NSD1: variants seen among roughly 807,000 people sequenced by gnomAD.
NSD1 encodes the protein nuclear receptor binding SET domain protein 1.
Under a neutral mutation model 242.7 loss-of-function variants are expected in NSD1, and 26 were observed. That is an observed-to-expected ratio of 0.11 (90% CI 0.08 to 0.15). NSD1 has a LOEUF of 0.15. Among genes scored for constraint, NSD1 ranks in the 10% least tolerant of loss-of-function variants. The probability of loss-of-function intolerance (pLI) is 1.00; values close to 1 mark genes in which losing one functional copy is unlikely to be tolerated. For missense variants in NSD1, 2,495 were observed against 3,272.8 expected, an observed-to-expected ratio of 0.76 and a Z score of 5.80; for synonymous variants, 1,106 against 1,178.1, an observed-to-expected ratio of 0.94 and a Z score of 1.25.
At position 177,135,769 on chromosome 5, in the gene NSD1, C is replaced by T. The variant is rs369717742; in HGVS notation, c.666C>T (p.Val222=). 4 of 1,612,970 alleles carry T rather than the reference C, an allele frequency of 2.5e-6. No individual in the cohort carries two copies. Among genetic ancestry groups the T allele is most frequent in the Non-Finnish European group, 3.4e-6 (4 of 1,179,146 alleles). The part of the protein sequence containing the change: ...DSTPESRHGA[V]KSPFLPLAPQ... ...CACCAGAGAGTAGACACGGTGCAGTCAAATCGCCATTCTTGCCATTAGCTC... is the reference window on the plus strand; with the variant it reads ...CACCAGAGAGTAGACACGGTGCAGTTAAATCGCCATTCTTGCCATTAGCTC... Residue 222 remains valine (V), a synonymous_variant, in exon 2 of 23, where the codon GTC becomes GTT. Coordinates refer to ENST00000439151, the MANE Select transcript of NSD1 (RefSeq NM_022455.5).
chr5:177,211,494 A>G lies in NSD1; in HGVS notation c.3095A>G (p.Asp1032Gly), dbSNP rs2149847210. The change falls in exon 5 of 23, where the codon GAT becomes GGT. Residue 1032 changes from aspartate to glycine, a missense_variant. This residue lies in a region of NSD1 where 426 missense variants were observed against 411.4 expected (regional missense o/e 1.04). Coordinates refer to ENST00000439151, the MANE Select transcript of NSD1 (RefSeq NM_022455.5). The part of the protein sequence containing the change: ...GRSKPSSKLR[D>G]AFSAQMVKNT... ...TCAAAGCCTTCATCCAAATTGCGAG[A>G]TGCTTTTTCAGCCCAAATGGTAAAG... is the stretch of plus-strand genomic sequence containing the variant. 2.5e-6 allele frequency: 4 copies of G among 1,614,126 alleles called. No individual in the cohort carries two copies. Among genetic ancestry groups the G allele is most frequent in the Non-Finnish European group, 3.4e-6 (4 of 1,180,014 alleles).
chr5:177,280,938 T>C, intron 18 of NSD1, 104 bp downstream of exon 18: 4 of 1,261,400 alleles, frequency 3.2e-6, no homozygotes, highest in Non-Finnish European at 4.5e-6. Flanking sequence ...ATAACACAGT[T>C]AATAATTAAC....
intron 2 of NSD1, among the ~76,000 whole-genome samples, chr5:177,149,504 A>T (rs1757530284): frequency 1.3e-5 from 2 of 151,924 alleles, no homozygotes; most frequent in South Asian, 4.1e-4. Flanking sequence ...ACAGTTTTGT[A>T]TGGTGGATTC....
At chr5:177,195,348 C>T (rs934043466) in intron 3 of NSD1, among the ~76,000 whole-genome samples, 2 of 152,074 alleles carry the variant, frequency 1.3e-5, no homozygotes, top group African/African-American at 4.8e-5. Context: ...ATACCTTATC[C>T]TTTGTGACCT....
At chr5:177,178,440 G>A (rs1191069752) in intron 2 of NSD1, among the ~76,000 whole-genome samples, 1 of 152,112 alleles carries the variant, frequency 6.6e-6, no homozygotes, top group Non-Finnish European at 1.5e-5. Flanking sequence ...TGGTCGGGCT[G>A]GTCTTGAACT....
At chr5:177,189,466 T>C (rs913526155) in intron 2 of NSD1, among the ~76,000 whole-genome samples, 3 of 152,208 alleles carry the variant, frequency 2.0e-5, no homozygotes, top group African/African-American at 7.2e-5. Flanking sequence ...ACCAACAACA[T>C]GTGCTAGATT....
At chr5:177,145,086 A>G (rs986572821) in intron 2 of NSD1, among the ~76,000 whole-genome samples, 1 of 109,568 alleles carries the variant, frequency 9.1e-6, no homozygotes, top group African/African-American at 4.7e-5. Context: ...CTTTGTCTCA[A>G]AAAAAAAAAA....
intron 2 of NSD1, chr5:177,136,329 TAAA>T (rs1176817397): frequency 4.5e-4 from 79 of 176,064 alleles, no homozygotes; most frequent in East Asian, 1.4e-3. Context: ...CATATATGAT[TAAA>T]AAAAAAAAAA....
At chr5:177,174,447 A>G (rs1223164563) in intron 2 of NSD1, among the ~76,000 whole-genome samples, 1 of 152,072 alleles carries the variant, frequency 6.6e-6, no homozygotes, top group Non-Finnish European at 1.5e-5. Context: ...TCCCAACCTC[A>G]GATGATCGCC....
In NSD1 at chr5:177,163,289, C is replaced by T. The variant is rs139914235; in HGVS notation, c.927+27259C>T. Among the ~76,000 whole-genome samples the T allele has an allele frequency of 3.7e-3, 562 of 152,070 alleles. 3 individuals carry two copies. The highest frequency in any genetic ancestry group is 0.013 in the African/African-American group (532 of 41,490). ...TCCCGAGTAGCTGGGACTACAGGCA[C>T]GCATCACCATGCCCGGCTAATTTTT... is the stretch of plus-strand genomic sequence containing the variant. On this transcript the variant is annotated intron_variant, in intron 2 of 22. Transcript: ENST00000439151.
At chr5:177,265,488 G>GGAGA (rs761182914) in intron 14 of NSD1, 2 of 643,080 alleles carry the variant, frequency 3.1e-6, no homozygotes, top group Non-Finnish European at 2.7e-6. Context: ...GGGGAGGGAG[G>GGAGA]GAGAGAGAGA....
At position 177,210,767 on chromosome 5, in the gene NSD1, A is replaced by G. The variant is rs1763275939; in HGVS notation, c.2368A>G (p.Ile790Val). Residue 790 changes from isoleucine to valine, a missense_variant, in exon 5 of 23, where the codon ATA becomes GTA. By Grantham distance (29) the Ile-to-Val change is conservative (BLOSUM62 3). Coordinates refer to ENST00000439151, the MANE Select transcript of NSD1 (RefSeq NM_022455.5). ...SKSKQPKFRS[I>V]KCKHKENPVM... ...AAGCAAACAGCCCAAGTTCCGAAGT[A>G]TAAAGTGCAAACACAAAGAAAATCC... The G allele has an allele frequency of 1.2e-6, 2 of 1,614,248 alleles. No individual in the cohort carries two copies. Among genetic ancestry groups the G allele is most frequent in the Non-Finnish European group, 1.7e-6 (2 of 1,180,052 alleles).
intron 2 of NSD1, among the ~76,000 whole-genome samples, chr5:177,151,245 G>T (rs909856603): frequency 6.6e-6 from 1 of 152,116 alleles, no homozygotes; most frequent in Non-Finnish European, 1.5e-5. Flanking sequence ...GTGTGATGGC[G>T]GGTGCCTGTA....
At chr5:177,204,516 G>C (rs1762737687) in intron 4 of NSD1, among the ~76,000 whole-genome samples, 1 of 152,160 alleles carries the variant, frequency 6.6e-6, no homozygotes, top group African/African-American at 2.4e-5. Flanking sequence ...ACCACGCCTG[G>C]CTAACTTTTG....
Position 177,295,447 on chromosome 5 carries a change from A to G in NSD1, c.8079A>G (p.Ser2693=). Residue 2693 remains serine, a synonymous_variant, in exon 23 of 23, where the codon TCA becomes TCG. Coordinates refer to ENST00000439151, the MANE Select transcript of NSD1 (RefSeq NM_022455.5). This position sits in a 1 kb window ranked among gnomAD's most constrained non-coding sequence, Gnocchi z 4.3. ...QAPSSHKCAE[S]EQK ...CTTCCAGTCACAAGTGTGCAGAATC[A>G]GAACAGAAGTAGTACCAATCAATGT... The G allele has an allele frequency of 6.2e-7, 1 of 1,614,054 alleles. No homozygotes were observed. The highest frequency in any genetic ancestry group is 1.1e-5 in the South Asian group (1 of 91,092).
chr5:177,286,125 G>C (rs1436685444), intron 20 of NSD1, among the ~76,000 whole-genome samples: 1 of 152,184 alleles, frequency 6.6e-6, no homozygotes, highest in Non-Finnish European at 1.5e-5. Flanking sequence ...GCCTCCCAAA[G>C]TGCTAGAATT....
intron 2 of NSD1, among the ~76,000 whole-genome samples, chr5:177,184,472 G>C (rs1760937964): frequency 6.6e-6 from 1 of 151,788 alleles, no homozygotes; most frequent in South Asian, 2.1e-4. Context: ...TAATTTGATT[G>C]TTATATTTTT....
chr5:177,173,636 G>A (rs566990814), intron 2 of NSD1, among the ~76,000 whole-genome samples: 1 of 152,096 alleles, frequency 6.6e-6, no homozygotes, highest in South Asian at 2.1e-4. Context: ...ACCACACCCA[G>A]CTAATTTTGT....
chr5:177,254,867 G>GT (rs1562262941), intron 12 of NSD1, among the ~76,000 whole-genome samples: 2 of 152,032 alleles, frequency 1.3e-5, no homozygotes, highest in South Asian at 2.1e-4. Flanking sequence ...AAATTTGTGG[G>GT]TTTTTTTCTC....
Sources: allele counts gnomAD v4.1 joint callset (sites outside exome capture counted in the v4.1 genomes callset), GRCh38; gene constraint gnomAD v4.1.1; regional missense constraint gnomAD v4.1.1; non-coding constraint Gnocchi (gnomAD v3.1); transcripts MANE v1.5; gene names NCBI Gene and HGNC (gene_info 2026-07-23, HGNC 2026-07-21).